Variants in ARID3B observed in about 807,000 individuals in gnomAD.
The protein encoded by ARID3B is AT-rich interactive domain-containing protein 3B.
ARID3B carries 10 observed loss-of-function variants against 51.9 expected under a neutral mutation model. The observed-to-expected ratio is 0.19, with a 90% CI of 0.12 to 0.33. The LOEUF is 0.33. ARID3B is among the 10% of genes least tolerant of loss of function. The pLI is 1.00. For synonymous variants in ARID3B, 205 were observed against 279.5 expected, an observed-to-expected ratio of 0.73 and a Z score of 2.66; for missense variants, 483 against 716.3, an observed-to-expected ratio of 0.67 and a Z score of 3.72.
chr15:74,544,745 C>G (rs1466477720), intron 2 of ARID3B, among the ~76,000 whole-genome samples: 1 of 143,304 alleles, frequency 7.0e-6, no homozygotes, highest in African/African-American at 2.6e-5. Flanking sequence ...AGCTGGAGTG[C>G]AGTGGCATGA....
chr15:74,589,318 C>A (rs1011299398), intron 4 of ARID3B, among the ~76,000 whole-genome samples: 1 of 151,960 alleles, frequency 6.6e-6, no homozygotes, highest in Admixed American at 6.6e-5. Context: ...CGTGAGCCAC[C>A]GCACCCAGCC....
intron 2 of ARID3B, among the ~76,000 whole-genome samples, chr15:74,554,166 C>CTGGCTAATTT (rs1041314183): frequency 1.3e-5 from 2 of 151,732 alleles, no homozygotes; most frequent in African/African-American, 4.8e-5. Context: ...GCCACAACGC[C>CTGGCTAATTT]TGGCTAATTT....
At chr15:74,573,304 C>A in intron 4 of ARID3B, 100 bp downstream of exon 4, 1 of 1,306,378 alleles carries the variant, frequency 7.7e-7, no homozygotes, top group Non-Finnish European at 1.1e-6. Context: ...TAATCCTCAT[C>A]CAGGAGGAGA....
intron 4 of ARID3B, among the ~76,000 whole-genome samples, chr15:74,588,995 A>G (rs2061792432): frequency 6.6e-6 from 1 of 150,764 alleles, no homozygotes; most frequent in Admixed American, 6.6e-5. Context: ...GAGAGGAGAA[A>G]GCAGGCATGT....
chr15:74,573,508 A>G (rs1330729830), intron 4 of ARID3B: 5 of 401,238 alleles, frequency 1.2e-5, no homozygotes, highest in Non-Finnish European at 2.3e-5. Context: ...TTAAGCCTTA[A>G]AGCTACCCTG....
At chr15:74,577,049 C>T (rs533485614) in intron 4 of ARID3B, among the ~76,000 whole-genome samples, 1 of 152,038 alleles carries the variant, frequency 6.6e-6, no homozygotes, top group East Asian at 1.9e-4. Context: ...GGAAACTTGC[C>T]GTGGCAGTGT....
chr15:74,583,631 C>T (rs990353251), intron 4 of ARID3B, among the ~76,000 whole-genome samples: 6 of 151,722 alleles, frequency 4.0e-5, no homozygotes, highest in African/African-American at 1.2e-4. Flanking sequence ...GCAGGAGAAT[C>T]GCTTGAACCT....
intron 4 of ARID3B, among the ~76,000 whole-genome samples, chr15:74,577,273 C>T (rs954468065): frequency 6.6e-6 from 1 of 150,920 alleles, no homozygotes; most frequent in Non-Finnish European, 1.5e-5. Flanking sequence ...AGTTTGAGAT[C>T]AGCCTGGGCA....
intron 4 of ARID3B, chr15:74,574,463 G>C (rs570550803): frequency 6.6e-6 from 1 of 152,304 alleles, no homozygotes; most frequent in South Asian, 2.1e-4. Context: ...GCCCCCAGCA[G>C]CTAAATATTC....
chr15:74,592,329 C>A (rs2061806904), intron 7 of ARID3B, among the ~76,000 whole-genome samples: 1 of 152,178 alleles, frequency 6.6e-6, no homozygotes, highest in African/African-American at 2.4e-5. Flanking sequence ...TGTTCTGGTG[C>A]CCCACATTCT....
chr15:74,546,953 CT>C (rs961016024), intron 2 of ARID3B, among the ~76,000 whole-genome samples: 3 of 150,936 alleles, frequency 2.0e-5, no homozygotes, highest in Non-Finnish European at 4.4e-5. Flanking sequence ...GATTTTAAAA[CT>C]TTTTTTTTAG....
intron 2 of ARID3B, among the ~76,000 whole-genome samples, chr15:74,562,227 C>T (rs528293129): frequency 1.2e-3 from 177 of 152,162 alleles, no homozygotes; most frequent in Non-Finnish European, 2.1e-3. Flanking sequence ...CTGCAACCTC[C>T]ACCTCCCAGG....
intron 7 of ARID3B, among the ~76,000 whole-genome samples, chr15:74,592,745 A>G (rs1333195125): frequency 6.6e-6 from 1 of 152,224 alleles, no homozygotes; most frequent in African/African-American, 2.4e-5. Flanking sequence ...AGTCAAAGGA[A>G]AGAAAGGGCA....
At position 74,544,416 on chromosome 15, in the gene ARID3B, T is replaced by G. The variant is rs1163761861; in HGVS notation, c.480T>G (p.Asp160Glu). 6.2e-7 allele frequency: 1 copy of G among 1,614,096 alleles called. No homozygotes were observed. The highest frequency in any genetic ancestry group is 8.5e-7 in the Non-Finnish European group (1 of 1,180,056). ...GQQAKEDHTK[D>E]ASKASPSVST... ...AAGCTAAAGAAGACCATACCAAAGA[T>G]GCTTCCAAGGCCTCACCTTCTGTCT... is the stretch of plus-strand genomic sequence containing the variant. Residue 160 changes from aspartate (D) to glutamate (E), a missense_variant, in exon 2 of 9, where the codon GAT becomes GAG. By Grantham distance (45) the Asp-to-Glu change is conservative. Coordinates refer to ENST00000346246, the MANE Select transcript of ARID3B (RefSeq NM_006465.4).
chr15:74,595,219 T>C (rs2061819958), intron 8 of ARID3B, among the ~76,000 whole-genome samples: 1 of 152,092 alleles, frequency 6.6e-6, no homozygotes, highest in South Asian at 2.1e-4. Context: ...AAAATTTTTA[T>C]AGAGACAAGG....
In ARID3B at chr15:74,596,193, T is replaced by A. The variant is rs1339203745; in HGVS notation, c.*419T>A. The A allele has an allele frequency of 8.2e-6, 2 of 242,618 alleles. No homozygotes were observed. Among genetic ancestry groups the A allele is most frequent in the African/African-American group, 4.4e-5 (2 of 45,530 alleles). The allele number at this position is 242,618 out of a possible 1,614,324, so 15.0% of individuals were successfully genotyped here. A position where few individuals can be genotyped will look rare whatever the true frequency, so the allele number is the denominator to read the frequency against. ...CATGACCCCAGGGCCACTAGTCTCT[T>A]CCCCTGTTTTTAAGTCCCATGTGGG... On this transcript the variant is annotated 3_prime_UTR_variant, in exon 9 of 9. Coordinates refer to ENST00000346246, the MANE Select transcript of ARID3B (RefSeq NM_006465.4).
Position 74,590,061 on chromosome 15 carries a change from C to T in ARID3B, c.881+58C>T, listed in dbSNP as rs2141479392. The T allele has an allele frequency of 1.1e-5, 17 of 1,487,956 alleles. 1 individual carries two copies. In the South Asian group the frequency reaches 2.1e-4, roughly 18 times the overall value. The allele number at this position is 1,487,956 out of a possible 1,614,324, so 92.2% of individuals were successfully genotyped here. ...AGGCTGGAGAAAGGGGATGTTGTAA[C>T]CTAGAGGAGAGGAAGGAAGGAAATT... is the stretch of plus-strand genomic sequence containing the variant. On this transcript the variant is annotated intron_variant, in intron 5 of 8. Transcript: ENST00000346246.
At chr15:74,574,011 G>GTA (rs2061728481) in intron 4 of ARID3B, 1 of 152,244 alleles carries the variant, frequency 6.6e-6, no homozygotes, top group African/African-American at 2.4e-5. Flanking sequence ...ACCTCCCAAA[G>GTA]TACTGGGATT....
intron 1 of ARID3B, among the ~76,000 whole-genome samples, chr15:74,541,544 C>T (rs886185382): frequency 6.6e-6 from 1 of 151,766 alleles, no homozygotes; most frequent in African/African-American, 2.4e-5. Context: ...TGAGATAAAG[C>T]GATGAGAAGG....
Sources: allele counts gnomAD v4.1 joint callset (sites outside exome capture counted in the v4.1 genomes callset), GRCh38; gene constraint gnomAD v4.1.1; transcripts MANE v1.5; gene names NCBI Gene and HGNC (gene_info 2026-07-23, HGNC 2026-07-21).